KDM2A: variants seen among roughly 807,000 people sequenced by gnomAD.
KDM2A encodes the protein lysine demethylase 2A.
KDM2A carries 3 observed loss-of-function variants against 137.3 expected under a neutral mutation model. The ratio of observed to expected loss-of-function variants is 0.02; its 90% CI spans 0.01 to 0.06. The LOEUF (loss-of-function observed/expected upper bound fraction) is 0.06. KDM2A is among the 10% of genes least tolerant of loss of function. KDM2A has a pLI of 1.00. For synonymous variants in KDM2A, 512 were observed against 541.5 expected (o/e 0.95, Z 0.76); for missense variants, 738 against 1,510.6 (o/e 0.49, Z 8.48).
At chr11:67,217,640 G>A in intron 8 of KDM2A, 91 bp from the exon 9 acceptor site, 3 of 1,289,954 alleles carry the variant, frequency 2.3e-6, no homozygotes, top group Non-Finnish European at 3.3e-6. Flanking sequence ...CTTCTACCTG[G>A]TGGTCTTAAT....
chr11:67,238,829 A>G (rs12420556), intron 12 of KDM2A, among the ~76,000 whole-genome samples: 5,646 of 152,318 alleles, frequency 0.037, 435 homozygotes, highest in Admixed American at 0.18. Context: ...AAAAGACCCA[A>G]ACTGTTTCTG....
chr11:67,205,193 G>T (rs1271803638), intron 5 of KDM2A, among the ~76,000 whole-genome samples: 1 of 152,074 alleles, frequency 6.6e-6, no homozygotes, highest in African/African-American at 2.4e-5. Flanking sequence ...AAATTATAGC[G>T]ATCCTAGTGG....
At chr11:67,176,889 A>G (rs979954796) in intron 2 of KDM2A, among the ~76,000 whole-genome samples, 19 of 152,330 alleles carry the variant, frequency 1.2e-4, no homozygotes, top group Admixed American at 3.9e-4. Flanking sequence ...TAGTGAGTAA[A>G]TGCGAGGGCC....
intron 2 of KDM2A, among the ~76,000 whole-genome samples, chr11:67,147,684 CT>C (rs554907447): frequency 3.5e-4 from 51 of 145,580 alleles, no homozygotes; most frequent in Middle Eastern, 3.5e-3. Context: ...ATTAGAGATT[CT>C]TTTTTTTTTT....
intron 2 of KDM2A, chr11:67,148,966 T>C (rs1325808641): frequency 6.6e-6 from 1 of 152,156 alleles, no homozygotes; most frequent in Non-Finnish European, 1.5e-5. Flanking sequence ...GTAAACTATT[T>C]ATAGGTTTGG....
chr11:67,202,120 T>C (rs1230084710), intron 5 of KDM2A, among the ~76,000 whole-genome samples: 1 of 152,048 alleles, frequency 6.6e-6, no homozygotes, highest in Non-Finnish European at 1.5e-5. Flanking sequence ...GTGAAAATAG[T>C]GAGAGAGCTA....
At chr11:67,243,190 C>A in intron 13 of KDM2A, 98 bp downstream of exon 13, 2 of 828,724 alleles carry the variant, frequency 2.4e-6, no homozygotes, top group Non-Finnish European at 4.1e-6. Context: ...AGGCAGATGG[C>A]TTTTGGTGCA....
chr11:67,248,462 A>G (rs533893891), intron 16 of KDM2A, 92 bp downstream of exon 16: 60 of 790,068 alleles, frequency 7.6e-5, no homozygotes, highest in Middle Eastern at 4.6e-4. Flanking sequence ...TAGTGTTCAC[A>G]CAGTTTCTCT....
Position 67,245,913 on chromosome 11 carries a change from TCA to T in KDM2A, c.1834-71_1834-70del. On this transcript the variant is annotated intron_variant, in intron 14 of 20. Transcript: ENST00000529006. The surrounding 1 kb of genome is among the most constrained non-coding windows in gnomAD (Gnocchi z 4.1). ...ATTATAGGACCCAAATCTCCCATCTTCAGTTTAAGGGAAACTGAAATGATAAA... is the reference window on the plus strand; with the variant it reads ...ATTATAGGACCCAAATCTCCCATCTTGTTTAAGGGAAACTGAAATGATAAA... 1 of 1,564,478 alleles carries T rather than the reference TCA, an allele frequency of 6.4e-7. No individual in the cohort carries two copies. Among genetic ancestry groups the T allele is most frequent in the Non-Finnish European group, 8.7e-7 (1 of 1,143,450 alleles).
chr11:67,141,691 A>G (rs992524861), intron 2 of KDM2A, among the ~76,000 whole-genome samples: 7 of 118,590 alleles, frequency 5.9e-5, no homozygotes, highest in Admixed American at 1.0e-4. Context: ...AAATATATAT[A>G]TATATATATA....
chr11:67,185,331 A>T (rs142296784), intron 5 of KDM2A, among the ~76,000 whole-genome samples: 6 of 152,334 alleles, frequency 3.9e-5, no homozygotes, highest in Non-Finnish European at 7.4e-5. Flanking sequence ...ATAGCTTGCT[A>T]TAGGTTAAAT....
chr11:67,135,075 T>C (rs1855942756), intron 2 of KDM2A, among the ~76,000 whole-genome samples: 1 of 152,042 alleles, frequency 6.6e-6, no homozygotes, highest in Admixed American at 6.6e-5. Context: ...TTCTTTTTTT[T>C]TTTTCCCCCT....
intron 17 of KDM2A, among the ~76,000 whole-genome samples, chr11:67,251,865 C>T (rs1859438587): frequency 6.6e-6 from 1 of 152,194 alleles, no homozygotes; most frequent in African/African-American, 2.4e-5. Context: ...TCTAAATTCT[C>T]CTTAATATTT....
chr11:67,201,916 C>T (rs978053086), intron 5 of KDM2A, among the ~76,000 whole-genome samples: 1 of 151,494 alleles, frequency 6.6e-6, no homozygotes, highest in Non-Finnish European at 1.5e-5. Flanking sequence ...GATCTTGCCA[C>T]TCTATTCCAG....
intron 6 of KDM2A, among the ~76,000 whole-genome samples, chr11:67,208,713 G>A (rs1282443766): frequency 2.7e-5 from 4 of 149,228 alleles, no homozygotes; most frequent in African/African-American, 9.9e-5. Context: ...AGAGGTTGCA[G>A]TGAGCTGAGA....
At chr11:67,252,617 A>G in intron 17 of KDM2A, 77 bp from the exon 18 acceptor site, 3 of 1,501,332 alleles carry the variant, frequency 2.0e-6, no homozygotes, top group East Asian at 2.3e-5. Flanking sequence ...TGCTTTTCCC[A>G]GAAGCCATAA....
At chr11:67,199,206 C>G (rs571326316) in intron 5 of KDM2A, among the ~76,000 whole-genome samples, 1 of 152,274 alleles carries the variant, frequency 6.6e-6, no homozygotes, top group African/African-American at 2.4e-5. Context: ...TTCCCTTGTT[C>G]TCTTTCTCTC....
intron 15 of KDM2A, among the ~76,000 whole-genome samples, chr11:67,246,594 A>G (rs1042712965): frequency 6.6e-6 from 1 of 152,040 alleles, no homozygotes; most frequent in Non-Finnish European, 1.5e-5. Flanking sequence ...AGTAATAAAA[A>G]GTAATAAATT....
Position 67,254,875 on chromosome 11 carries a change from T to A in KDM2A, c.3309T>A (p.Gly1103=), listed in dbSNP as rs534775434. 3 of 1,613,638 alleles carry A rather than the reference T, an allele frequency of 1.9e-6. No individual in the cohort carries two copies. The East Asian group carries it at 6.7e-5, about 36-fold the overall frequency. ...RYSLTELNMA[G]CNKLTDQTLI... The stretch of plus-strand genomic sequence containing the variant: ...TCATTATGTCCACTTTCCCGACAGG[T>A]TGCAATAAATTGACAGACCAGACCC... Residue 1103 remains glycine (G), a splice_region_variant and synonymous_variant, in exon 21 of 21, where the codon GGT becomes GGA. Transcript: ENST00000529006. This position sits in a 1 kb window ranked among gnomAD's most constrained non-coding sequence, Gnocchi z 4.7.
Sources: allele counts gnomAD v4.1 joint callset (sites outside exome capture counted in the v4.1 genomes callset), GRCh38; gene constraint gnomAD v4.1.1; non-coding constraint Gnocchi (gnomAD v3.1); transcripts MANE v1.5; gene names NCBI Gene and HGNC (gene_info 2026-07-23, HGNC 2026-07-21).